IMPG2: variants seen among roughly 807,000 people sequenced by gnomAD.
IMPG2 encodes the protein interphotoreceptor matrix proteoglycan 2, also known as IPM 200.
Under a neutral mutation model 129.2 loss-of-function variants are expected in IMPG2, and 91 were observed. That is an observed-to-expected ratio of 0.70 (90% confidence interval 0.59 to 0.84). IMPG2 has a LOEUF of 0.84. Among genes scored for constraint, IMPG2 ranks in the 40% least tolerant of loss-of-function variants. The pLI is 0.00. For synonymous variants in IMPG2, 510 were observed against 517.7 expected, an observed-to-expected ratio of 0.99 and a Z score of 0.20; for missense variants, 1,430 against 1,461.7, an observed-to-expected ratio of 0.98 and a Z score of 0.35.
intron 4 of IMPG2, 84 bp from the exon 5 acceptor site, chr3:101,276,797 G>A: frequency 9.8e-7 from 1 of 1,025,154 alleles, no homozygotes. Flanking sequence ...TTTCCAAAAA[G>A]GAAAGCACTA....
chr3:101,251,098 A>C (rs866643390), intron 11 of IMPG2, among the ~76,000 whole-genome samples: 2 of 152,178 alleles, frequency 1.3e-5, no homozygotes, highest in South Asian at 4.1e-4. Flanking sequence ...AATTCATGTG[A>C]GATAGCTTAA....
chr3:101,238,456 G>A (rs185946105), intron 14 of IMPG2, among the ~76,000 whole-genome samples: 1 of 152,236 alleles, frequency 6.6e-6, no homozygotes, highest in African/African-American at 2.4e-5. Flanking sequence ...AAAATGTTAA[G>A]GGCAGCCAGA....
intron 14 of IMPG2, among the ~76,000 whole-genome samples, chr3:101,239,181 A>C (rs1296441441): frequency 6.6e-6 from 1 of 152,188 alleles, no homozygotes; most frequent in Non-Finnish European, 1.5e-5. Flanking sequence ...TTTGCAATCT[A>C]TCCATCTGAC....
intron 2 of IMPG2, among the ~76,000 whole-genome samples, chr3:101,309,276 C>T (rs1039054656): frequency 6.6e-6 from 1 of 152,156 alleles, no homozygotes; most frequent in African/African-American, 2.4e-5. Context: ...CAATGCCCTA[C>T]TCCTTGGTAC....
At chr3:101,244,910 GCTTTT>G in intron 12 of IMPG2, 123 bp from the exon 13 acceptor site, 1 of 815,624 alleles carries the variant, frequency 1.2e-6, no homozygotes, top group Non-Finnish European at 2.0e-6. Context: ...GTTGACTTTT[GCTTTT>G]CTATATCTAG....
chr3:101,316,200 G>T (rs1361868959), intron 2 of IMPG2, among the ~76,000 whole-genome samples: 1 of 151,868 alleles, frequency 6.6e-6, no homozygotes, highest in Non-Finnish European at 1.5e-5. Flanking sequence ...GTGATCTTGG[G>T]TTAGCAAACT....
chr3:101,319,074 G>C (rs1185811991), intron 2 of IMPG2, among the ~76,000 whole-genome samples: 2 of 152,010 alleles, frequency 1.3e-5, no homozygotes, highest in Non-Finnish European at 2.9e-5. Context: ...AAGCAGGTGA[G>C]TATACTTTGG....
chr3:101,241,905 T>A (rs1706412154), intron 14 of IMPG2, among the ~76,000 whole-genome samples: 1 of 152,024 alleles, frequency 6.6e-6, no homozygotes, highest in South Asian at 2.1e-4. Flanking sequence ...GGCAGGTGCC[T>A]ATAATCCAAG....
At position 101,242,955 on chromosome 3, in the gene IMPG2, G is replaced by C. The variant is rs146922049; in HGVS notation, c.2803-48C>G. ...GTTTATTGACAGCGTGTCACATTTT[G>C]TTCAATACATACCCAAACAAAACAA... On this transcript the variant is annotated intron_variant, in intron 13 of 18. Transcript: ENST00000193391. The C allele has an allele frequency of 2.1e-6, 3 of 1,462,210 alleles. No individual in the cohort carries two copies. The African/African-American group carries it at 4.2e-5, about 20-fold the overall frequency. The allele number at this position is 1,462,210 out of a possible 1,614,324, so 90.6% of individuals were successfully genotyped here.
At chr3:101,301,696 T>C (rs1707140912) in intron 3 of IMPG2, among the ~76,000 whole-genome samples, 1 of 152,236 alleles carries the variant, frequency 6.6e-6, no homozygotes, top group African/African-American at 2.4e-5. Context: ...GACCCATCAG[T>C]GTCCTACTAA....
At chr3:101,274,868 T>C (rs1313574681) in intron 6 of IMPG2, among the ~76,000 whole-genome samples, 1 of 152,126 alleles carries the variant, frequency 6.6e-6, no homozygotes, top group Non-Finnish European at 1.5e-5. Flanking sequence ...ATACTTAGGA[T>C]AAAAGTATTG....
chr3:101,307,206 C>T (rs1553686096), intron 2 of IMPG2, among the ~76,000 whole-genome samples: 1 of 152,142 alleles, frequency 6.6e-6, no homozygotes, highest in Non-Finnish European at 1.5e-5. Context: ...CCAAGAATGA[C>T]TGAAATTTTT....
chr3:101,303,570 A>G (rs1707159874), intron 3 of IMPG2, among the ~76,000 whole-genome samples: 1 of 152,218 alleles, frequency 6.6e-6, no homozygotes. Context: ...TCATGAATAC[A>G]TATGTGCTAC....
At chr3:101,283,039 A>T (rs192487233) in intron 4 of IMPG2, among the ~76,000 whole-genome samples, 3 of 152,280 alleles carry the variant, frequency 2.0e-5, no homozygotes, top group Admixed American at 1.3e-4. Flanking sequence ...TTTGTTTTTG[A>T]GATGGAGTCT....
At chr3:101,316,485 C>A (rs770719104) in intron 2 of IMPG2, among the ~76,000 whole-genome samples, 6 of 151,740 alleles carry the variant, frequency 4.0e-5, no homozygotes, top group Non-Finnish European at 8.8e-5. Flanking sequence ...ATATAAATGA[C>A]AGATAATTAT....
chr3:101,252,000 A>C (rs924281942), intron 11 of IMPG2, among the ~76,000 whole-genome samples: 1 of 152,158 alleles, frequency 6.6e-6, no homozygotes, highest in Non-Finnish European at 1.5e-5. Context: ...GTCTCCTTCA[A>C]TTGTTAATGA....
intron 12 of IMPG2, 28 bp downstream of exon 12, chr3:101,245,774 A>C: frequency 6.3e-7 from 1 of 1,597,678 alleles, no homozygotes; most frequent in Non-Finnish European, 8.6e-7. Context: ...TACAATAAGA[A>C]GTACGAAAAG....
chr3:101,290,007 C>T (rs572088448), intron 4 of IMPG2, among the ~76,000 whole-genome samples: 28 of 151,256 alleles, frequency 1.9e-4, no homozygotes, highest in South Asian at 4.2e-4. Context: ...AGATTTGTGA[C>T]GAAATGATTG....
intron 10 of IMPG2, among the ~76,000 whole-genome samples, chr3:101,256,777 A>G (rs1706615483): frequency 1.3e-5 from 2 of 152,126 alleles, no homozygotes; most frequent in Admixed American, 1.3e-4. Flanking sequence ...ATTCCACTGA[A>G]CATTTTAAAG....
Sources: allele counts gnomAD v4.1 joint callset (sites outside exome capture counted in the v4.1 genomes callset), GRCh38; gene constraint gnomAD v4.1.1; transcripts MANE v1.5; gene names NCBI Gene and HGNC (gene_info 2026-07-23, HGNC 2026-07-21).